The following ABTB3 variants were observed in gnomAD, a reference collection of about 807,000 sequenced individuals.
The protein encoded by ABTB3 is ankyrin repeat- and BTB/POZ domain-containing protein 3.
the ABTB3 span, among the ~76,000 whole-genome samples, chr12:107,499,788 C>T: frequency 0.06 from 9,174 of 151,730 alleles, 328 homozygotes; most frequent in Non-Finnish European, 0.066. Flanking sequence ...CAGGTTCAAG[C>T]GATTCTCCTG....
At chr12:107,656,264 G>A in the ABTB3 span, among the ~76,000 whole-genome samples, 8 of 150,678 alleles carry the variant, frequency 5.3e-5, no homozygotes, top group East Asian at 9.8e-4. Context: ...TCATGCCACC[G>A]TACTCCAGCC....
the ABTB3 span, among the ~76,000 whole-genome samples, chr12:107,629,583 G>A: frequency 6.6e-6 from 1 of 151,996 alleles, no homozygotes; most frequent in East Asian, 1.9e-4. Flanking sequence ...TGCACTAACC[G>A]GGTACTGTGT....
chr12:107,432,728 G>C, the ABTB3 span, among the ~76,000 whole-genome samples: 1 of 152,180 alleles, frequency 6.6e-6, no homozygotes, highest in African/African-American at 2.4e-5. Context: ...GTACTATGGG[G>C]AAGTTGCTAA....
the ABTB3 span, among the ~76,000 whole-genome samples, chr12:107,398,845 T>C: frequency 1.3e-5 from 2 of 152,172 alleles, no homozygotes; most frequent in African/African-American, 4.8e-5. Flanking sequence ...CAATACCTTC[T>C]AAGAATCAGT....
chr12:107,557,302 T>C, the ABTB3 span, among the ~76,000 whole-genome samples: 1 of 150,426 alleles, frequency 6.6e-6, no homozygotes, highest in Non-Finnish European at 1.5e-5. Context: ...CCGAATACTG[T>C]AGGAAATTAA....
the ABTB3 span, among the ~76,000 whole-genome samples, chr12:107,400,294 A>G: frequency 1.5e-3 from 233 of 152,326 alleles, no homozygotes; most frequent in Middle Eastern, 6.8e-3. Flanking sequence ...AAATGGGCCC[A>G]TGATGAGATG....
chr12:107,535,389 ACT>A, the ABTB3 span, among the ~76,000 whole-genome samples: 3 of 152,102 alleles, frequency 2.0e-5, no homozygotes, highest in African/African-American at 7.2e-5. Context: ...CACTTTCACC[ACT>A]CTTATTCAAA....
At chr12:107,432,301 G>A in the ABTB3 span, among the ~76,000 whole-genome samples, 1 of 152,222 alleles carries the variant, frequency 6.6e-6, no homozygotes, top group Non-Finnish European at 1.5e-5. Context: ...GAAGGAAAGA[G>A]GGAAATGGAT....
the ABTB3 span, among the ~76,000 whole-genome samples, chr12:107,459,839 G>A: frequency 6.6e-6 from 1 of 152,256 alleles, no homozygotes; most frequent in South Asian, 2.1e-4. Flanking sequence ...CAGGGGCCGT[G>A]GCCCGGCCCT....
chr12:107,608,876 T>G, the ABTB3 span, among the ~76,000 whole-genome samples: 2 of 52,332 alleles, frequency 3.8e-5, no homozygotes, highest in Admixed American at 2.3e-4. Flanking sequence ...GCCTCAAAAA[T>G]TTAAAATAAA....
the ABTB3 span, among the ~76,000 whole-genome samples, chr12:107,478,745 C>A: frequency 1.4e-4 from 21 of 152,150 alleles, no homozygotes; most frequent in African/African-American, 5.1e-4. Context: ...CATTTCACCC[C>A]TTGGAGAGAG....
chr12:107,366,248 T>A, the ABTB3 span, among the ~76,000 whole-genome samples: 4 of 152,216 alleles, frequency 2.6e-5, no homozygotes, highest in African/African-American at 9.6e-5. Flanking sequence ...AGATGACTGT[T>A]GAATGAGTAA....
At chr12:107,343,363 C>A in the ABTB3 span, among the ~76,000 whole-genome samples, 7 of 152,170 alleles carry the variant, frequency 4.6e-5, no homozygotes, top group Admixed American at 2.6e-4. Flanking sequence ...AATGAAGATG[C>A]CTCTTGGTCA....
chr12:107,499,826 C>T, the ABTB3 span, among the ~76,000 whole-genome samples: 17 of 152,002 alleles, frequency 1.1e-4, no homozygotes, highest in East Asian at 3.9e-4. Context: ...GCTGGGACTA[C>T]GGGCACGCAC....
chr12:107,618,271 T>C, the ABTB3 span: 14 of 1,613,512 alleles, frequency 8.7e-6, no homozygotes, highest in Admixed American at 6.7e-5. Context: ...CCGCCCCCCT[T>C]GTGCGCCAGC....
chr12:107,429,433 T>A, the ABTB3 span, among the ~76,000 whole-genome samples: 1 of 152,254 alleles, frequency 6.6e-6, no homozygotes, highest in African/African-American at 2.4e-5. Flanking sequence ...CTCAGCTCTC[T>A]TCACTGGGAT....
At chr12:107,378,123 G>C in the ABTB3 span, among the ~76,000 whole-genome samples, 1 of 152,340 alleles carries the variant, frequency 6.6e-6, no homozygotes, top group African/African-American at 2.4e-5. Flanking sequence ...CCAACGGCTG[G>C]AATATTAGAT....
At chr12:107,543,670 AG>A in the ABTB3 span, among the ~76,000 whole-genome samples, 1 of 152,098 alleles carries the variant, frequency 6.6e-6, no homozygotes, top group Non-Finnish European at 1.5e-5. Context: ...GAGCCTTGTT[AG>A]AAACATTGGG....
At chr12:107,520,726 A>C in the ABTB3 span, 4 of 1,517,524 alleles carry the variant, frequency 2.6e-6, no homozygotes, top group Admixed American at 1.8e-5. Context: ...CCAACCCCTC[A>C]GGGCACTATT....
Sources: allele counts gnomAD v4.1 joint callset (sites outside exome capture counted in the v4.1 genomes callset), GRCh38; gene constraint gnomAD v4.1.1; transcripts MANE v1.5; gene names NCBI Gene and HGNC (gene_info 2026-07-23, HGNC 2026-07-21).